Variants in THSD4 observed in about 807,000 individuals in gnomAD.
THSD4 encodes thrombospondin type-1 domain-containing protein 4.
In THSD4, 69 loss-of-function variants were observed where a neutral mutation model predicts 119.0. The observed-to-expected ratio is 0.58, with a 90% CI of 0.48 to 0.71. The LOEUF is 0.71. Among genes scored for constraint, THSD4 ranks in the 30% least tolerant of loss-of-function variants. The pLI is 0.00. For missense variants in THSD4, 1,393 were observed against 1,391.1 expected (o/e 1.00, Z -0.02); for synonymous variants, 524 against 540.4 (o/e 0.97, Z 0.42).
intron 7 of THSD4, among the ~76,000 whole-genome samples, chr15:71,568,882 CTTT>C (rs1423535951): frequency 6.6e-6 from 1 of 152,138 alleles, no homozygotes; most frequent in Non-Finnish European, 1.5e-5. Context: ...ATCTTTCTCT[CTTT>C]TTTAAGAACA....
At chr15:71,513,825 C>T (rs909425159) in intron 7 of THSD4, among the ~76,000 whole-genome samples, 1 of 152,160 alleles carries the variant, frequency 6.6e-6, no homozygotes, top group African/African-American at 2.4e-5. Context: ...CTTCTGCATG[C>T]AATAGATATA....
At chr15:71,105,802 A>T (rs2141341291) in intron 1 of THSD4, among the ~76,000 whole-genome samples, 1 of 152,348 alleles carries the variant, frequency 6.6e-6, no homozygotes, top group South Asian at 2.1e-4. Flanking sequence ...AGATTGAACC[A>T]CAACCTCACC....
intron 17 of THSD4, among the ~76,000 whole-genome samples, chr15:71,776,836 T>G (rs1297295849): frequency 6.6e-6 from 1 of 152,202 alleles, no homozygotes; most frequent in Non-Finnish European, 1.5e-5. Context: ...GTCGAGCAAG[T>G]TGCCAAGGAG....
At chr15:71,159,886 G>T (rs1457027816) in intron 3 of THSD4, among the ~76,000 whole-genome samples, 1 of 151,888 alleles carries the variant, frequency 6.6e-6, no homozygotes, top group Non-Finnish European at 1.5e-5. Context: ...TGAAAGCTTT[G>T]CTCAGTATAA....
At chr15:71,152,202 C>T (rs964842113) in intron 2 of THSD4, among the ~76,000 whole-genome samples, 1 of 152,048 alleles carries the variant, frequency 6.6e-6, no homozygotes, top group Non-Finnish European at 1.5e-5. Flanking sequence ...GTGGGCGGAT[C>T]ACCTGAGGTC....
At chr15:71,221,111 T>A (rs1341423607) in intron 4 of THSD4, among the ~76,000 whole-genome samples, 2 of 152,110 alleles carry the variant, frequency 1.3e-5, no homozygotes, top group Non-Finnish European at 2.9e-5. Context: ...TGCCGCATTG[T>A]AGCAACTCAC....
At chr15:71,584,700 T>C (rs1199044158) in intron 7 of THSD4, among the ~76,000 whole-genome samples, 1 of 152,224 alleles carries the variant, frequency 6.6e-6, no homozygotes, top group Non-Finnish European at 1.5e-5. Context: ...ATTTAATCTA[T>C]TTACTTTTAA....
chr15:71,448,778 A>T (rs555922902), intron 7 of THSD4, among the ~76,000 whole-genome samples: 100 of 152,298 alleles, frequency 6.6e-4, no homozygotes, highest in African/African-American at 2.2e-3. Context: ...TACCTCCATT[A>T]ACTCTAGATG....
rs756431543 is a variant in THSD4 at position 71,420,884 on chromosome 15, T to C, written c.1152+9061T>C. ...TTTGATAGGTTCATCTTTTAGTCTT[T>C]CTACTTAAGGTAAGAGTGGTGGCCA... On this transcript the variant is annotated intron_variant, in intron 7 of 17. Transcript: ENST00000261862. Among the ~76,000 whole-genome samples the C allele has an allele frequency of 2.9e-4, 31 of 105,842 alleles. 8 individuals carry two copies. The highest frequency in any genetic ancestry group is 6.2e-4 in the Non-Finnish European group (30 of 48,698). 69.4% of individuals were successfully genotyped at this position (105,842 alleles called of 152,430 possible).
chr15:71,747,046 C>T lies in THSD4; in HGVS notation c.2241+4C>T, dbSNP rs773041300. 25 of 1,598,406 alleles carry T rather than the reference C, an allele frequency of 1.6e-5. 1 individual carries two copies. In the South Asian group the frequency reaches 2.4e-4, roughly 15 times the overall value. ...GATCCGGACCGACTGGACCTCGGTA[C>T]GCAGGCAGGGCAGCCCGCTCTGCAG... On this transcript the variant is annotated splice_donor_region_variant and intron_variant, in intron 13 of 17. Coordinates refer to ENST00000261862, the MANE Select transcript of THSD4 (RefSeq NM_024817.3).
At chr15:71,422,046 ATTC>A (rs1434179197) in intron 7 of THSD4, among the ~76,000 whole-genome samples, 1 of 152,122 alleles carries the variant, frequency 6.6e-6, no homozygotes, top group African/African-American at 2.4e-5. Flanking sequence ...AGATTTCTGA[ATTC>A]CTTCTCTGTG....
intron 6 of THSD4, chr15:71,341,065 G>A: frequency 1.1e-6 from 1 of 915,072 alleles, no homozygotes; most frequent in Non-Finnish European, 1.7e-6. Flanking sequence ...TTTTTCTTTT[G>A]TTGCCTTGCC....
At chr15:71,202,934 A>G (rs1219626797) in intron 3 of THSD4, among the ~76,000 whole-genome samples, 1 of 152,204 alleles carries the variant, frequency 6.6e-6, no homozygotes, top group Admixed American at 6.5e-5. Flanking sequence ...AGAACACAAA[A>G]ATAAATAAGA....
chr15:71,236,108 T>C (rs1298408706), intron 4 of THSD4, among the ~76,000 whole-genome samples: 5 of 152,174 alleles, frequency 3.3e-5, no homozygotes, highest in African/African-American at 1.2e-4. Flanking sequence ...GTGGGGTTCA[T>C]GTTAGCACAG....
chr15:71,746,502 C>G (rs1214250804), intron 12 of THSD4, among the ~76,000 whole-genome samples: 1 of 152,168 alleles, frequency 6.6e-6, no homozygotes, highest in Non-Finnish European at 1.5e-5. Flanking sequence ...TCAAGCCATC[C>G]CCTGACCTCA....
rs34326932 is a variant in THSD4, at chr15:71,379,450, C to CTTTTTTT, written c.1016-32217_1016-32211dup. On this transcript the variant is annotated intron_variant, in intron 6 of 17. Coordinates refer to ENST00000261862, the MANE Select transcript of THSD4 (RefSeq NM_024817.3). ...GACAAATTACTGAAGCAAATGGCTT[C>CTTTTTTT]TTTTTTTTTTTTTTTTTTTTTTTTT... Among the ~76,000 whole-genome samples, 13 of 77,590 alleles carry CTTTTTTT rather than the reference C, an allele frequency of 1.7e-4. 1 individual carries two copies. Among genetic ancestry groups the CTTTTTTT allele is most frequent in the Non-Finnish European group, 2.2e-4 (9 of 41,190 alleles). The allele number at this position is 77,590 out of a possible 152,430, so 50.9% of individuals were successfully genotyped here. A position where few individuals can be genotyped will look rare whatever the true frequency, so the allele number is the denominator to read the frequency against.
chr15:71,588,882 C>T (rs975713350), intron 7 of THSD4, among the ~76,000 whole-genome samples: 2 of 152,104 alleles, frequency 1.3e-5, no homozygotes, highest in African/African-American at 4.8e-5. Context: ...AAGACAGGAA[C>T]AAGCAATGTG....
chr15:71,582,225 T>C (rs2049573260), intron 7 of THSD4, among the ~76,000 whole-genome samples: 1 of 152,170 alleles, frequency 6.6e-6, no homozygotes, highest in African/African-American at 2.4e-5. Flanking sequence ...TAGTTAAGTT[T>C]ATTCCTAAGT....
chr15:71,631,339 CT>C (rs1158307554), intron 7 of THSD4, among the ~76,000 whole-genome samples: 4 of 152,182 alleles, frequency 2.6e-5, no homozygotes, highest in Non-Finnish European at 5.9e-5. Context: ...ATTTCATGAC[CT>C]CCATTGACAG....
Sources: gnomAD v4.1 joint callset for allele counts (sites outside exome capture counted in the v4.1 genomes callset) on GRCh38, gnomAD v4.1.1 for gene constraint, MANE v1.5 for transcripts, NCBI Gene and HGNC (gene_info 2026-07-23, HGNC 2026-07-21) for gene names.